Variants in TG observed in about 807,000 individuals in gnomAD.
The protein encoded by TG is thyroglobulin.
TG carries 270 observed loss-of-function variants against 324.7 expected under a neutral mutation model. That is an observed-to-expected ratio of 0.83 (90% CI 0.75 to 0.92). The LOEUF (loss-of-function observed/expected upper bound fraction) is 0.92. Among genes scored for constraint, TG ranks in the 40% least tolerant of loss-of-function variants. TG has a pLI of 0.00. For synonymous variants in TG, 1,401 were observed against 1,327.0 expected (o/e 1.06, Z -1.21); for missense variants, 3,591 against 3,456.4 (o/e 1.04, Z -0.98).
intron 11 of TG, among the ~76,000 whole-genome samples, chr8:132,897,093 T>C (rs1817226967): frequency 6.6e-6 from 1 of 152,216 alleles, no homozygotes; most frequent in African/African-American, 2.4e-5. Flanking sequence ...AACTAAACTG[T>C]AGGAGTTTGG....
intron 41 of TG, among the ~76,000 whole-genome samples, chr8:133,034,858 G>T (rs560435956): frequency 6.6e-5 from 10 of 152,288 alleles, no homozygotes; most frequent in Non-Finnish European, 1.5e-4. Flanking sequence ...TGCCGTCTTA[G>T]GGCTTTGCTG....
chr8:132,930,901 G>A (rs1822616097), intron 23 of TG, among the ~76,000 whole-genome samples: 1 of 152,168 alleles, frequency 6.6e-6, no homozygotes, highest in Non-Finnish European at 1.5e-5. Context: ...CCAGCAAGAT[G>A]CCATCCTATC....
rs900216616 is a variant in TG at position 133,055,550 on chromosome 8, C to T, written c.7239+25527C>T. On this transcript the variant is annotated intron_variant, in intron 41 of 47. Transcript: ENST00000220616. ...AAGGGCTGTGTTTGAGACCCGGTAG[C>T]CCACAAAGCTCTTTTCTGCCCAAGC... 2.6e-5 allele frequency among the ~76,000 whole-genome samples: 4 copies of T among 152,060 alleles called. No individual in the cohort carries two copies. In the South Asian group the frequency reaches 6.2e-4, roughly 24 times the overall value.
chr8:132,974,036 C>T (rs534755005), intron 34 of TG, among the ~76,000 whole-genome samples: 3 of 147,210 alleles, frequency 2.0e-5, no homozygotes, highest in South Asian at 2.2e-4. Flanking sequence ...TCTTGTCACC[C>T]GGGCTGGAGT....
chr8:132,882,151 T>C (rs953991338), intron 6 of TG, among the ~76,000 whole-genome samples, 182 bp downstream of exon 6: 3 of 152,256 alleles, frequency 2.0e-5, no homozygotes, highest in Non-Finnish European at 4.4e-5. Context: ...TGAATGCAGC[T>C]GCTGCTGGCC....
At chr8:133,088,413 A>G (rs944144335) in intron 41 of TG, among the ~76,000 whole-genome samples, 6 of 151,986 alleles carry the variant, frequency 3.9e-5, no homozygotes, top group Admixed American at 6.6e-5. Flanking sequence ...GTGTGGGGGG[A>G]ACAATGAAAC....
At chr8:132,999,713 T>G (rs1197328853) in intron 35 of TG, among the ~76,000 whole-genome samples, 2 of 152,218 alleles carry the variant, frequency 1.3e-5, no homozygotes, top group Non-Finnish European at 2.9e-5. Context: ...AGAACAAATG[T>G]GGCTGGTGAG....
At chr8:132,985,441 G>A (rs1212421575) in intron 35 of TG, among the ~76,000 whole-genome samples, 1 of 152,268 alleles carries the variant, frequency 6.6e-6, no homozygotes, top group Non-Finnish European at 1.5e-5. Flanking sequence ...AGAAGTGACT[G>A]TTCACTTCTT....
chr8:133,086,118 A>G (rs1290198812), intron 41 of TG, among the ~76,000 whole-genome samples: 1 of 152,244 alleles, frequency 6.6e-6, no homozygotes, highest in Non-Finnish European at 1.5e-5. Context: ...TACATATTCT[A>G]TGATTCCATT....
intron 35 of TG, among the ~76,000 whole-genome samples, chr8:132,998,601 A>T (rs1833119397): frequency 6.6e-6 from 1 of 152,200 alleles, no homozygotes; most frequent in Non-Finnish European, 1.5e-5. Context: ...TTGGATGATG[A>T]GCCACTGAGG....
chr8:133,010,021 A>G (rs1488981321), intron 35 of TG, among the ~76,000 whole-genome samples: 1 of 152,240 alleles, frequency 6.6e-6, no homozygotes, highest in Non-Finnish European at 1.5e-5. Flanking sequence ...GATAAAAATT[A>G]TAAACTTCCC....
At chr8:133,104,023 G>T (rs1288315386) in intron 43 of TG, among the ~76,000 whole-genome samples, 1 of 152,228 alleles carries the variant, frequency 6.6e-6, no homozygotes, top group Non-Finnish European at 1.5e-5. Context: ...GTCAGAGAAG[G>T]CTTTTCGGAG....
intron 41 of TG, among the ~76,000 whole-genome samples, chr8:133,031,028 C>T (rs1836589393): frequency 1.3e-5 from 2 of 152,298 alleles, no homozygotes; most frequent in East Asian, 1.9e-4. Flanking sequence ...TTAAGTGTTC[C>T]GTTCATTGGG....
chr8:133,069,815 A>G (rs1296903829), intron 41 of TG, among the ~76,000 whole-genome samples: 1 of 152,054 alleles, frequency 6.6e-6, no homozygotes. Flanking sequence ...AGCCCGGCCA[A>G]CATGGCAAAA....
intron 43 of TG, among the ~76,000 whole-genome samples, chr8:133,110,046 G>A (rs576711532): frequency 1.3e-5 from 2 of 152,122 alleles, no homozygotes; most frequent in South Asian, 2.1e-4. Context: ...AGATCCTGGT[G>A]CCCAGACCTC....
chr8:133,091,668 G>A (rs796675917), intron 41 of TG, among the ~76,000 whole-genome samples: 13 of 152,118 alleles, frequency 8.5e-5, no homozygotes, highest in East Asian at 1.9e-4. Flanking sequence ...ATGACTGTGC[G>A]TGTGTGTCTC....
rs116785537 is a variant in TG at position 133,020,221 on chromosome 8, T to A, written c.6876+526T>A. ...CAGTGCTCTTTCTTCTTAGGGCATT[T>A]CCCAGTAACAGAGAGTTTGGCTTTT... On this transcript the variant is annotated intron_variant, in intron 39 of 47. Coordinates refer to ENST00000220616, the MANE Select transcript of TG (RefSeq NM_003235.5). Among the ~76,000 whole-genome samples the A allele has an allele frequency of 2.6e-3, 403 of 152,330 alleles. 2 individuals carry two copies. Among genetic ancestry groups the A allele is most frequent in the African/African-American group, 9.4e-3 (390 of 41,568 alleles).
chr8:132,893,914 C>G lies in TG; in HGVS notation c.2986C>G (p.Leu996Val). 2 of 1,614,040 alleles carry G rather than the reference C, an allele frequency of 1.2e-6. No individual in the cohort carries two copies. The highest frequency in any genetic ancestry group is 1.7e-6 in the Non-Finnish European group (2 of 1,179,954). ...GCGTGGGAGTGATTACGCCATTCGC[C>G]TGGCGGCTCAGTCTAGTGAGTGTGG... ...FLRGSDYAIR[L>V]AAQSTLSFYQ... Residue 996 changes from leucine to valine, a missense_variant, in exon 11 of 48, where the codon CTG (leucine) becomes GTG (valine). Physicochemically the swap from Leu to Val is conservative, Grantham distance 32 (BLOSUM62 1). Coordinates refer to ENST00000220616, the MANE Select transcript of TG (RefSeq NM_003235.5).
intron 20 of TG, among the ~76,000 whole-genome samples, chr8:132,917,410 A>G (rs912989311): frequency 6.9e-6 from 1 of 145,436 alleles, no homozygotes; most frequent in African/African-American, 2.4e-5. Flanking sequence ...GTGTGTGTGT[A>G]TACCTGTGCT....
Sources: allele counts gnomAD v4.1 joint callset (sites outside exome capture counted in the v4.1 genomes callset), GRCh38; gene constraint gnomAD v4.1.1; transcripts MANE v1.5; gene names NCBI Gene and HGNC (gene_info 2026-07-23, HGNC 2026-07-21).